PALD1: variants seen among roughly 807,000 people sequenced by gnomAD.
The protein encoded by PALD1 is paladin.
Under a neutral mutation model 96.0 loss-of-function variants are expected in PALD1, and 57 were observed. That is an observed-to-expected ratio of 0.59 (90% CI 0.48 to 0.74). PALD1 has a LOEUF of 0.74. Among genes scored for constraint, PALD1 ranks in the 30% least tolerant of loss-of-function variants. The pLI is 0.00. For synonymous variants in PALD1, 464 were observed against 473.6 expected (o/e 0.98, Z 0.26); for missense variants, 1,063 against 1,143.7 (o/e 0.93, Z 1.02).
At chr10:70,552,357 G>C (rs2132425049) in intron 18 of PALD1, among the ~76,000 whole-genome samples, 2 of 152,288 alleles carry the variant, frequency 1.3e-5, no homozygotes, top group Admixed American at 1.3e-4. Flanking sequence ...GATGGGGGGT[G>C]ATGTGGACCT....
intron 18 of PALD1, among the ~76,000 whole-genome samples, chr10:70,554,529 C>T (rs66776414): frequency 6.6e-6 from 1 of 152,006 alleles, no homozygotes; most frequent in Non-Finnish European, 1.5e-5. Flanking sequence ...GTTAGAATGC[C>T]GGGCCCTGGC....
At chr10:70,542,527 A>G (rs1847272914) in intron 17 of PALD1, among the ~76,000 whole-genome samples, 1 of 152,212 alleles carries the variant, frequency 6.6e-6, no homozygotes, top group South Asian at 2.1e-4. Context: ...GGAATCGTAC[A>G]GTATTTGTGT....
chr10:70,460,291 G>C, the PALD1 span, among the ~76,000 whole-genome samples: 11 of 152,110 alleles, frequency 7.2e-5, no homozygotes, highest in African/African-American at 2.7e-4. Context: ...CCCATCCTGG[G>C]GCTTAAAAGC....
chr10:70,531,540 A>C, intron 5 of PALD1, 86 bp downstream of exon 5: 7 of 1,320,430 alleles, frequency 5.3e-6, no homozygotes, highest in Non-Finnish European at 6.2e-6. Context: ...ACCTGCTCTT[A>C]CTGGCCCGTG....
intron 1 of PALD1, among the ~76,000 whole-genome samples, chr10:70,483,091 G>A (rs568253089): frequency 6.6e-6 from 1 of 152,244 alleles, no homozygotes; most frequent in East Asian, 1.9e-4. Flanking sequence ...CAGACACCAT[G>A]TCTGGTTCTG....
At chr10:70,556,418 T>G (rs915687546) in intron 18 of PALD1, among the ~76,000 whole-genome samples, 1 of 152,006 alleles carries the variant, frequency 6.6e-6, no homozygotes, top group Non-Finnish European at 1.5e-5. Flanking sequence ...TAGGTTCAGG[T>G]GATTCTCCTG....
In PALD1 at chr10:70,529,293, C is replaced by T. The variant is rs754412520; in HGVS notation, c.250C>T (p.Arg84Trp). Reference protein sequence around the residue: ...ELLKAHYTLGRLSDNTPEHYL... With the variant: ...ELLKAHYTLGWLSDNTPEHYL... ...GCTCAAGGCTCATTACACGTTGGGC[C>T]GGCTCTCGGACAACACCCCTGAGCA... Residue 84 changes from arginine (R) to tryptophan (W), a missense_variant, in exon 3 of 20, where the codon CGG (arginine) becomes TGG (tryptophan). Coordinates refer to ENST00000263563, the MANE Select transcript of PALD1 (RefSeq NM_014431.3). 8.9e-6 allele frequency: 14 copies of T among 1,569,754 alleles called. No homozygotes were observed. The highest frequency in any genetic ancestry group is 1.1e-5 in the South Asian group (1 of 89,518).
chr10:70,544,353 A>T (rs958345275), intron 17 of PALD1, among the ~76,000 whole-genome samples: 2 of 152,112 alleles, frequency 1.3e-5, no homozygotes, highest in Non-Finnish European at 2.9e-5. Flanking sequence ...GTGGGGGCCC[A>T]TATTGTGAAG....
chr10:70,555,832 T>C (rs1847597304), intron 18 of PALD1, among the ~76,000 whole-genome samples: 1 of 152,152 alleles, frequency 6.6e-6, no homozygotes, highest in Non-Finnish European at 1.5e-5. Context: ...AAACCGCTTC[T>C]ATACTAAAAA....
the PALD1 span, among the ~76,000 whole-genome samples, chr10:70,459,144 C>T: frequency 6.6e-6 from 1 of 152,052 alleles, no homozygotes; most frequent in East Asian, 1.9e-4. Flanking sequence ...CCACTGCCAC[C>T]GTTTGTCCAT....
chr10:70,483,165 GTGA>G (rs1845963177), intron 1 of PALD1, among the ~76,000 whole-genome samples: 3 of 152,136 alleles, frequency 2.0e-5, no homozygotes, highest in African/African-American at 7.2e-5. Flanking sequence ...TGGGGTGTGT[GTGA>G]TACTTCACGT....
At chr10:70,532,923 C>T (rs899058729) in intron 6 of PALD1, 72 bp from the exon 7 acceptor site, 1 of 1,513,020 alleles carries the variant, frequency 6.6e-7, no homozygotes, top group African/African-American at 1.4e-5. Context: ...CCAAACAGTG[C>T]CCGGGAATAG....
rs536339175 is a variant in PALD1, at chr10:70,545,032, A to T, written c.2122-2274A>T. Among the ~76,000 whole-genome samples, 4 of 152,298 alleles carry T rather than the reference A, an allele frequency of 2.6e-5. No individual in the cohort carries two copies. In the East Asian group the frequency reaches 7.7e-4, roughly 29 times the overall value. ...TGTTCATTCATTCACTGGGCAGCTG[A>T]TGCTGGGGCACCGGGCAGGTGCCAG... On this transcript the variant is annotated intron_variant, in intron 17 of 19. Coordinates refer to ENST00000263563, the MANE Select transcript of PALD1 (RefSeq NM_014431.3).
intron 18 of PALD1, among the ~76,000 whole-genome samples, chr10:70,554,377 C>T (rs1279147105): frequency 2.6e-5 from 4 of 152,150 alleles, no homozygotes; most frequent in African/African-American, 7.2e-5. Context: ...TGCAGTAAGC[C>T]GAGATCATGC....
At chr10:70,523,609 C>T (rs1004174697) in intron 1 of PALD1, among the ~76,000 whole-genome samples, 5 of 152,146 alleles carry the variant, frequency 3.3e-5, no homozygotes, top group Admixed American at 2.0e-4. Flanking sequence ...GAGGCTCATT[C>T]CCTCCACCCT....
At chr10:70,528,479 A>G (rs1189853393) in intron 2 of PALD1, among the ~76,000 whole-genome samples, 1 of 152,188 alleles carries the variant, frequency 6.6e-6, no homozygotes, top group Admixed American at 6.5e-5. Flanking sequence ...CCTGGAAATG[A>G]GCTCCTTGTC....
chr10:70,539,808 C>A lies in PALD1; in HGVS notation c.1908+46C>A. ...GAGGCCTCTGGGGAGGGACAGGAGG[C>A]CTCCCTGTCTCCCCTCTGGTCTGGG... On this transcript the variant is annotated intron_variant, in intron 15 of 19. Transcript: ENST00000263563. The surrounding 1 kb of genome is among the most constrained non-coding windows in gnomAD (Gnocchi z 4.5). The A allele has an allele frequency of 6.6e-7, 1 of 1,522,146 alleles. No individual in the cohort carries two copies. The highest frequency in any genetic ancestry group is 8.9e-7 in the Non-Finnish European group (1 of 1,122,424). The allele number at this position is 1,522,146 out of a possible 1,614,324, so 94.3% of individuals were successfully genotyped here. A position where few individuals can be genotyped will look rare whatever the true frequency, so the allele number is the denominator to read the frequency against.
At chr10:70,528,981 C>T (rs1846928916) in intron 2 of PALD1, among the ~76,000 whole-genome samples, 1 of 152,106 alleles carries the variant, frequency 6.6e-6, no homozygotes, top group African/African-American at 2.4e-5. Context: ...ATCATGTGAC[C>T]ACAATGAGTT....
In PALD1 at chr10:70,478,982, C is replaced by G. The variant is rs1195286048; in HGVS notation, c.-107C>G. On this transcript the variant is annotated 5_prime_UTR_variant, in exon 1 of 20. Coordinates refer to ENST00000263563, the MANE Select transcript of PALD1 (RefSeq NM_014431.3). ...CGCGCCGGGCGCGCCCCGTCGCTGC[C>G]TGACTCGGCGCCCGCAGTTCGGGCG... The G allele has an allele frequency of 6.6e-6, 1 of 152,272 alleles. No homozygotes were observed. The highest frequency in any genetic ancestry group is 2.4e-5 in the African/African-American group (1 of 41,566). 9.4% of individuals were successfully genotyped at this position (152,272 alleles called of 1,614,324 possible).
Sources: gnomAD v4.1 joint callset for allele counts (sites outside exome capture counted in the v4.1 genomes callset) on GRCh38, gnomAD v4.1.1 for gene constraint, Gnocchi (gnomAD v3.1) non-coding constraint, MANE v1.5 for transcripts, NCBI Gene and HGNC (gene_info 2026-07-23, HGNC 2026-07-21) for gene names.